TOPAZ1: variants seen among roughly 807,000 people sequenced by gnomAD.
TOPAZ1 encodes testis and ovary specific TOPAZ 1.
TOPAZ1 carries 66 observed loss-of-function variants against 172.2 expected under a neutral mutation model. The observed-to-expected ratio is 0.38, with a 90% CI of 0.31 to 0.47. The LOEUF (loss-of-function observed/expected upper bound fraction) is 0.47, where lower values mean the gene tolerates loss of function less well. Ranked by LOEUF, TOPAZ1 falls within the 20% of genes least tolerant of loss-of-function variation. The pLI is 0.99. For missense variants in TOPAZ1, 1,822 were observed against 1,972.4 expected (o/e 0.92, Z 1.44); for synonymous variants, 681 against 683.9 (o/e 1.00, Z 0.07).
chr3:44,253,211 G>A (rs544553679), intron 2 of TOPAZ1, among the ~76,000 whole-genome samples: 13 of 152,188 alleles, frequency 8.5e-5, no homozygotes, highest in South Asian at 2.1e-4. Context: ...GACAACAGGC[G>A]TAAGCAGACC....
chr3:44,327,109 A>G (rs1020436769), intron 18 of TOPAZ1, among the ~76,000 whole-genome samples: 1 of 152,164 alleles, frequency 6.6e-6, no homozygotes, highest in African/African-American at 2.4e-5. Flanking sequence ...TGCTTACCAA[A>G]AGCCCCTCGT....
chr3:44,320,960 G>A (rs1009400028), intron 16 of TOPAZ1, 67 bp from the exon 17 acceptor site: 1 of 1,029,456 alleles, frequency 9.7e-7, no homozygotes, highest in Non-Finnish European at 1.4e-6. Flanking sequence ...TGAAACATTA[G>A]TTGTGATTAT....
intron 19 of TOPAZ1, among the ~76,000 whole-genome samples, chr3:44,330,498 T>G (rs1241918179): frequency 6.6e-6 from 1 of 152,240 alleles, no homozygotes; most frequent in Admixed American, 6.5e-5. Context: ...TTTTTAAGAC[T>G]GCACATAGTT....
intron 11 of TOPAZ1, among the ~76,000 whole-genome samples, chr3:44,289,015 A>G (rs777958603): frequency 6.6e-6 from 1 of 152,202 alleles, no homozygotes; most frequent in Non-Finnish European, 1.5e-5. Flanking sequence ...CCATGTATTT[A>G]ACAAAAATAT....
At chr3:44,280,863 G>A (rs968798538) in intron 8 of TOPAZ1, among the ~76,000 whole-genome samples, 6 of 152,190 alleles carry the variant, frequency 3.9e-5, no homozygotes, top group African/African-American at 1.4e-4. Context: ...CCAGGGCAGG[G>A]TTACAATCTG....
intron 16 of TOPAZ1, among the ~76,000 whole-genome samples, chr3:44,317,977 T>A (rs188293097): frequency 1.1e-4 from 16 of 152,328 alleles, no homozygotes; most frequent in Admixed American, 3.9e-4. Context: ...CTCAGATTTT[T>A]TTTCTTCTTA....
At chr3:44,245,327 T>A in intron 2 of TOPAZ1, 56 bp downstream of exon 2, 1 of 1,448,524 alleles carries the variant, frequency 6.9e-7, no homozygotes, top group Non-Finnish European at 9.1e-7. Context: ...AGAAAAGCAG[T>A]CTCTTAAGTT....
intron 8 of TOPAZ1, among the ~76,000 whole-genome samples, chr3:44,278,300 G>T (rs551602743): frequency 9.9e-5 from 15 of 152,156 alleles, no homozygotes; most frequent in Non-Finnish European, 1.6e-4. Flanking sequence ...GAGAATTTTT[G>T]AGTCTGAGTT....
chr3:44,305,036 A>T (rs1700318793), intron 13 of TOPAZ1, 111 bp from the exon 14 acceptor site: 1 of 721,918 alleles, frequency 1.4e-6, no homozygotes, highest in South Asian at 2.2e-5. Flanking sequence ...TTGTCTTATT[A>T]ATTTATGTAT....
intron 4 of TOPAZ1, among the ~76,000 whole-genome samples, chr3:44,261,885 G>A (rs1559529298): frequency 6.6e-6 from 1 of 152,088 alleles, no homozygotes; most frequent in Non-Finnish European, 1.5e-5. Context: ...CTGGTTAGCT[G>A]TATTCCTAGG....
chr3:44,263,531 G>A lies in TOPAZ1; in HGVS notation c.3020+1048G>A, dbSNP rs555809458. Among the ~76,000 whole-genome samples, 7 of 152,194 alleles carry A rather than the reference G, an allele frequency of 4.6e-5. No individual in the cohort carries two copies. In the South Asian group the frequency reaches 1.2e-3, roughly 27 times the overall value. The stretch of plus-strand genomic sequence containing the variant: ...TTGCCGCTTTTGTTTTATTTGTGGA[G>A]GACATACTGATAATACATAGTAAGT... On this transcript the variant is annotated intron_variant, in intron 5 of 19. Transcript: ENST00000309765.
Position 44,259,999 on chromosome 3 carries a change from C to T in TOPAZ1, c.2956-2420C>T, listed in dbSNP as rs78518750. On this transcript the variant is annotated intron_variant, in intron 4 of 19. Coordinates refer to ENST00000309765, the MANE Select transcript of TOPAZ1 (RefSeq NM_001145030.2). ...AATTGAATCATTGGGGCAGTTCCCCCATATTGTTTTATGATAGTGAGTTCT... is the reference window on the plus strand; with the variant it reads ...AATTGAATCATTGGGGCAGTTCCCCTATATTGTTTTATGATAGTGAGTTCT... 6.5e-3 allele frequency among the ~76,000 whole-genome samples: 993 copies of T among 152,234 alleles called. 4 individuals are homozygous for T. The highest frequency in any genetic ancestry group is 0.016 in the South Asian group (79 of 4,824).
chr3:44,254,990 G>A lies in TOPAZ1; in HGVS notation c.2788G>A (p.Gly930Arg). The change falls in exon 3 of 20, where the codon GGA becomes AGA. Residue 930 changes from glycine to arginine, a missense_variant. Transcript: ENST00000309765. ...DLRELPVLDC[G>R]WIKPDICASN... ...TAGAGAACTTCCTGTACTGGACTGT[G>A]GATGGATAAAGCCAGACATCTGTGC... 6.4e-7 allele frequency: 1 copy of A among 1,551,448 alleles called. No homozygotes were observed. The highest frequency in any genetic ancestry group is 8.7e-7 in the Non-Finnish European group (1 of 1,146,726).
intron 11 of TOPAZ1, among the ~76,000 whole-genome samples, chr3:44,290,370 G>A (rs1700123263): frequency 6.6e-6 from 1 of 152,144 alleles, no homozygotes; most frequent in South Asian, 2.1e-4. Context: ...CCACCTGAGT[G>A]ATTAATTTAT....
At chr3:44,267,238 A>G (rs1699840166) in intron 6 of TOPAZ1, 102 bp downstream of exon 6, 1 of 930,876 alleles carries the variant, frequency 1.1e-6, no homozygotes. Context: ...AGAAAAATGG[A>G]ATCATGTAGA....
At chr3:44,297,147 GACA>G (rs771784987) in intron 12 of TOPAZ1, among the ~76,000 whole-genome samples, 78 of 105,436 alleles carry the variant, frequency 7.4e-4, no homozygotes, top group Non-Finnish European at 1.3e-3. Context: ...CTCCAGCCTG[GACA>G]ACGAGTGAAA....
Position 44,244,596 on chromosome 3 carries a change from A to C in TOPAZ1, c.2090A>C (p.Glu697Ala), listed in dbSNP as rs1186630757. Residue 697 changes from glutamate (E) to alanine (A), a missense_variant, in exon 2 of 20, where the codon GAA becomes GCA. By Grantham distance (107) the Glu-to-Ala change is moderately radical. Around this residue, in one of 2 missense-constraint regions of TOPAZ1, gnomAD observed 1,489 missense variants for 1,490.8 expected, o/e 1.00. Transcript: ENST00000309765. ...ATTCCTTTACTTAAGAATAAATCAG[A>C]AAAAAGAAAAGAAGTAAATGCCAAG... is the stretch of plus-strand genomic sequence containing the variant. ...FKIPLLKNKS[E>A]KRKEVNAKSS... 1 of 1,550,590 alleles carries C rather than the reference A, an allele frequency of 6.4e-7. No homozygotes were observed. Among genetic ancestry groups the C allele is most frequent in the Non-Finnish European group, 8.7e-7 (1 of 1,146,722 alleles).
At chr3:44,242,801 T>C in intron 1 of TOPAZ1, 52 bp from the exon 2 acceptor site, 2 of 1,352,950 alleles carry the variant, frequency 1.5e-6, no homozygotes, top group Non-Finnish European at 2.0e-6. Context: ...GATAATTGCA[T>C]TTTCCTCCTC....
rs542465243 is a variant in TOPAZ1, at chr3:44,323,722, A to T, written c.4675+427A>T. On this transcript the variant is annotated intron_variant, in intron 18 of 19. Transcript: ENST00000309765. ...TTCAATAGCAGGTCACATCAGAAGCATAAAGGCTGTCATAACAATGCAACA... is the reference window on the plus strand; with the variant it reads ...TTCAATAGCAGGTCACATCAGAAGCTTAAAGGCTGTCATAACAATGCAACA... Among the ~76,000 whole-genome samples the T allele has an allele frequency of 1.5e-3, 233 of 152,362 alleles. 10 individuals carry two copies. In the South Asian group the frequency reaches 0.047, roughly 31 times the overall value.
Sources: gnomAD v4.1 joint callset for allele counts (sites outside exome capture counted in the v4.1 genomes callset) on GRCh38, gnomAD v4.1.1 for gene constraint, gnomAD v4.1.1 regional missense constraint, MANE v1.5 for transcripts, NCBI Gene and HGNC (gene_info 2026-07-23, HGNC 2026-07-21) for gene names.